The following BANK1 variants were observed in gnomAD, a reference collection of about 807,000 sequenced individuals.
BANK1 encodes B-cell scaffold protein with ankyrin repeats.
A neutral mutation model predicts 94.5 loss-of-function variants in BANK1; 95 were observed. That is an observed-to-expected ratio of 1.00 (90% CI 0.85 to 1.19). The LOEUF is 1.19. Ranked by LOEUF, BANK1 falls within the 50% of genes most tolerant of loss-of-function variation. The probability of loss-of-function intolerance (pLI) is 0.00; values close to 1 mark genes in which losing one functional copy is unlikely to be tolerated. For missense variants in BANK1, 987 were observed against 932.2 expected (o/e 1.06, Z -0.77); for synonymous variants, 334 against 308.4 (o/e 1.08, Z -0.87).
At chr4:102,020,533 A>G (rs1578460211) in intron 7 of BANK1, among the ~76,000 whole-genome samples, 1 of 152,264 alleles carries the variant, frequency 6.6e-6, no homozygotes, top group East Asian at 1.9e-4. Flanking sequence ...GTTTAAAAAA[A>G]AATTAATGAG....
At chr4:101,929,008 T>A (rs1471717566) in intron 7 of BANK1, among the ~76,000 whole-genome samples, 1 of 151,676 alleles carries the variant, frequency 6.6e-6, no homozygotes, top group East Asian at 2.0e-4. Context: ...CTCCAAAAGA[T>A]GGCTACTCAT....
chr4:102,069,623 T>G (rs1252487592), intron 13 of BANK1, among the ~76,000 whole-genome samples: 1 of 152,228 alleles, frequency 6.6e-6, no homozygotes, highest in Non-Finnish European at 1.5e-5. Context: ...AATGCTTGTG[T>G]TCACACAAAG....
intron 7 of BANK1, 102 bp from the exon 8 acceptor site, chr4:102,021,412 A>G (rs972423486): frequency 9.1e-6 from 4 of 438,322 alleles, no homozygotes; most frequent in African/African-American, 8.3e-5. Context: ...GATCTGTAAT[A>G]TAATATTTAA....
chr4:101,832,866 TC>T (rs1182699445), intron 2 of BANK1, among the ~76,000 whole-genome samples: 1 of 151,728 alleles, frequency 6.6e-6, no homozygotes, highest in African/African-American at 2.4e-5. Flanking sequence ...CTCCCTCCCT[TC>T]CTTCTTTGCT....
chr4:102,004,558 GA>G, intron 7 of BANK1, among the ~76,000 whole-genome samples: 1 of 152,242 alleles, frequency 6.6e-6, no homozygotes, highest in African/African-American at 2.4e-5. Flanking sequence ...GAAGTATTAT[GA>G]AAAACTCAGT....
At chr4:101,828,371 A>G (rs902226922) in intron 1 of BANK1, among the ~76,000 whole-genome samples, 1 of 146,590 alleles carries the variant, frequency 6.8e-6, no homozygotes, top group Non-Finnish European at 1.5e-5. Flanking sequence ...TAAGATATGT[A>G]GATGAGTGAA....
chr4:101,905,510 G>A (rs116296150), intron 6 of BANK1, among the ~76,000 whole-genome samples: 4,035 of 152,222 alleles, frequency 0.027, 194 homozygotes, highest in African/African-American at 0.093. Flanking sequence ...TTACATTGTG[G>A]ACATATTTCA....
chr4:101,998,758 C>G (rs1368185869), intron 7 of BANK1, among the ~76,000 whole-genome samples: 1 of 151,948 alleles, frequency 6.6e-6, no homozygotes, highest in Admixed American at 6.6e-5. Flanking sequence ...ATTGTGATGC[C>G]ACAAAAGCAC....
chr4:101,804,640 T>A (rs74798420), intron 1 of BANK1, among the ~76,000 whole-genome samples: 2,194 of 152,278 alleles, frequency 0.014, 19 homozygotes, highest in Non-Finnish European at 0.021. Flanking sequence ...TGTAAACAGA[T>A]GATGTAAACT....
intron 7 of BANK1, among the ~76,000 whole-genome samples, chr4:101,982,143 C>T (rs1225773584): frequency 2.6e-5 from 4 of 152,080 alleles, no homozygotes; most frequent in Non-Finnish European, 5.9e-5. Flanking sequence ...CCCTCATTTT[C>T]CTTCTGTTGG....
At chr4:102,002,544 TACACACACACACACACAC>T (rs10559889) in intron 7 of BANK1, among the ~76,000 whole-genome samples, 12 of 148,030 alleles carry the variant, frequency 8.1e-5, no homozygotes, top group African/African-American at 2.5e-4. Flanking sequence ...TTAATACAAA[TACACACACACACACACAC>T]ACACACACAC....
chr4:102,005,830 A>C (rs958326977), intron 7 of BANK1, among the ~76,000 whole-genome samples: 8 of 152,044 alleles, frequency 5.3e-5, no homozygotes, highest in African/African-American at 1.9e-4. Context: ...GTGTTTGCAC[A>C]ATGTCACAGA....
At chr4:101,930,267 G>T (rs1037836235) in intron 7 of BANK1, among the ~76,000 whole-genome samples, 17 of 151,308 alleles carry the variant, frequency 1.1e-4, no homozygotes, top group Admixed American at 2.0e-4. Context: ...GTGGGTGTGT[G>T]TGTTTATGTG....
intron 2 of BANK1, among the ~76,000 whole-genome samples, chr4:101,850,042 C>A (rs1248323115): frequency 6.6e-6 from 1 of 152,080 alleles, no homozygotes; most frequent in South Asian, 2.1e-4. Context: ...GAGCTGTCTA[C>A]AAATAGTTTT....
chr4:101,948,907 T>C (rs543103643), intron 7 of BANK1, among the ~76,000 whole-genome samples: 93 of 152,292 alleles, frequency 6.1e-4, no homozygotes, highest in African/African-American at 2.0e-3. Flanking sequence ...AATTTTGATA[T>C]TTTGTTAATC....
At chr4:101,819,742 G>A (rs1378597000) in intron 1 of BANK1, among the ~76,000 whole-genome samples, 1 of 152,176 alleles carries the variant, frequency 6.6e-6, no homozygotes, top group Non-Finnish European at 1.5e-5. Context: ...CTATGCTGCA[G>A]AAGACAGACA....
chr4:101,851,729 C>T (rs1260976202), intron 2 of BANK1, among the ~76,000 whole-genome samples: 4 of 152,120 alleles, frequency 2.6e-5, no homozygotes, highest in Non-Finnish European at 5.9e-5. Context: ...GTTTTTCTTT[C>T]TCTGTTGTCT....
chr4:101,862,931 A>T (rs1047903964), intron 4 of BANK1, among the ~76,000 whole-genome samples: 2 of 152,066 alleles, frequency 1.3e-5, no homozygotes, highest in Non-Finnish European at 2.9e-5. Context: ...AGCAGAGAGC[A>T]TTTTAATTTA....
At position 101,862,515 on chromosome 4, in the gene BANK1, T is replaced by C; in HGVS notation, c.625-11T>C. 1 of 1,591,678 alleles carries C rather than the reference T, an allele frequency of 6.3e-7. No homozygotes were observed. On this transcript the variant is annotated splice_polypyrimidine_tract_variant and intron_variant, in intron 3 of 16. Transcript: ENST00000322953. The stretch of plus-strand genomic sequence containing the variant: ...CCAAATGCTTAAATGGGTTACATTT[T>C]CATCTTACAGAATCCTGGTGAAATA...
Sources: gnomAD v4.1 joint callset for allele counts (sites outside exome capture counted in the v4.1 genomes callset) on GRCh38, gnomAD v4.1.1 for gene constraint, MANE v1.5 for transcripts, NCBI Gene and HGNC (gene_info 2026-07-23, HGNC 2026-07-21) for gene names.